Variants in MFN2 observed in about 807,000 individuals in gnomAD.
The protein encoded by MFN2 is mitofusin-2.
In MFN2, 43 loss-of-function variants were observed where a neutral mutation model predicts 87.5. The observed-to-expected ratio is 0.49, with a 90% CI of 0.38 to 0.63. MFN2 has a LOEUF of 0.63. MFN2 is among the 30% of genes least tolerant of loss of function. MFN2 has a pLI of 0.00. For missense variants in MFN2, 743 were observed against 972.8 expected (o/e 0.76, Z 3.14); for synonymous variants, 337 against 359.9 (o/e 0.94, Z 0.72).
chr1:11,996,222 T>C lies in MFN2; in HGVS notation c.378T>C (p.Ile126=). 3 of 1,614,216 alleles carry C rather than the reference T, an allele frequency of 1.9e-6. No individual in the cohort carries two copies. In the South Asian group the frequency reaches 3.3e-5, roughly 18 times the overall value. The change falls in exon 5 of 19, where the codon ATT becomes ATC. Residue 126 remains isoleucine (I), a synonymous_variant. Coordinates refer to ENST00000235329, the MANE Select transcript of MFN2 (RefSeq NM_014874.4). ...MLWDKVLPSG[I]GHTTNCFLRV... is the part of the protein sequence containing the mutation. ...GGGACAAAGTTCTGCCCTCTGGGAT[T>C]GGCCACACCACCAATTGCTTCCTGC... is the stretch of plus-strand genomic sequence containing the variant.
rs387906991 is a variant in MFN2, at chr1:12,002,028, C to T, written c.1085C>T (p.Thr362Met). 4.5e-5 allele frequency: 73 copies of T among 1,614,084 alleles called. No homozygotes were observed. Among genetic ancestry groups the T allele is most frequent in the Admixed American group, 5.0e-5 (3 of 60,010 alleles). Residue 362 changes from threonine to methionine, a missense_variant, in exon 11 of 19, where the codon ACG (threonine) becomes ATG (methionine). This residue lies in a region of MFN2 where 571 missense variants were observed against 670.7 expected (regional missense o/e 0.85). Coordinates refer to ENST00000235329, the MANE Select transcript of MFN2 (RefSeq NM_014874.4). ...GTGAAGACCAAGTTTGAGCAGCACA[C>T]GGTCCGGGCCAAGCAGATTGCAGAG... is the stretch of plus-strand genomic sequence containing the variant. ...SAVKTKFEQH[T>M]VRAKQIAEAV... is the part of the protein sequence containing the mutation.
intron 5 of MFN2, 117 bp from the exon 6 acceptor site, chr1:11,997,180 A>G: frequency 6.7e-7 from 1 of 1,489,652 alleles, no homozygotes; most frequent in Non-Finnish European, 9.2e-7. Flanking sequence ...ATGTGGAAGA[A>G]GAAAGGGTAG....
intron 2 of MFN2, among the ~76,000 whole-genome samples, chr1:11,986,848 A>T (rs1300862987): frequency 1.3e-5 from 2 of 151,526 alleles, no homozygotes; most frequent in Non-Finnish European, 2.9e-5. Context: ...AAGTGCAGGG[A>T]TTATAGGTGT....
At chr1:11,997,451 C>T in intron 6 of MFN2, 30 bp downstream of exon 6, 4 of 1,613,150 alleles carry the variant, frequency 2.5e-6, no homozygotes, top group Non-Finnish European at 3.4e-6. Context: ...CTAGGAGGTC[C>T]AAACTGGAAG....
chr1:12,004,669 C>T lies in MFN2; in HGVS notation c.1392+56C>T. The T allele has an allele frequency of 1.9e-6, 3 of 1,564,170 alleles. No individual in the cohort carries two copies. Among genetic ancestry groups the T allele is most frequent in the East Asian group, 4.5e-5 (2 of 44,656 alleles). The stretch of plus-strand genomic sequence containing the variant: ...AGGAGGCCCCCAAAAGTGATTCAAC[C>T]CCTGTTGGTCTGGGTCAGGGCCCCC... On this transcript the variant is annotated intron_variant, in intron 13 of 18. Coordinates refer to ENST00000235329, the MANE Select transcript of MFN2 (RefSeq NM_014874.4). This position sits in a 1 kb window ranked among gnomAD's most constrained non-coding sequence, Gnocchi z 4.2.
chr1:11,993,777 TTTTTGTTTTG>T (rs1638796533), intron 4 of MFN2, among the ~76,000 whole-genome samples: 1 of 152,216 alleles, frequency 6.6e-6, no homozygotes, highest in Non-Finnish European at 1.5e-5. Context: ...ATACGTGTTT[TTTTTGTTTTG>T]TTTTACTGCT....
At chr1:12,005,114 C>G (rs1045869898) in intron 14 of MFN2, among the ~76,000 whole-genome samples, 187 bp downstream of exon 14, 12 of 152,326 alleles carry the variant, frequency 7.9e-5, no homozygotes, top group East Asian at 5.8e-4. Context: ...CAGAGTCGCA[C>G]TCCGTAACCC....
At chr1:11,997,555 C>A in intron 6 of MFN2, 134 bp downstream of exon 6, 1 of 1,246,098 alleles carries the variant, frequency 8.0e-7, no homozygotes, top group Non-Finnish European at 1.1e-6. Flanking sequence ...ATGGGCTCAA[C>A]CAAATCCTCT....
chr1:11,996,081 G>A, intron 4 of MFN2, 75 bp from the exon 5 acceptor site: 1 of 1,597,916 alleles, frequency 6.3e-7, no homozygotes, highest in South Asian at 1.1e-5. Context: ...TGGCCTTCCA[G>A]GCTGGTATCT....
chr1:12,013,443 G>A lies in MFN2; in HGVS notation c.*1878G>A, dbSNP rs1344962483. 2.2e-6 allele frequency: 1 copy of A among 459,132 alleles called. No homozygotes were observed. The highest frequency in any genetic ancestry group is 4.5e-6 in the Non-Finnish European group (1 of 221,856). 28.4% of individuals were successfully genotyped at this position (459,132 alleles called of 1,614,324 possible). A position where few individuals can be genotyped will look rare whatever the true frequency, so the allele number is the denominator to read the frequency against. ...CTGATGTATTTAAGGTGATGTATTTGCTTGAGTTACTCCTGTATCATTGCT... is the reference window on the plus strand; with the variant it reads ...CTGATGTATTTAAGGTGATGTATTTACTTGAGTTACTCCTGTATCATTGCT... On this transcript the variant is annotated 3_prime_UTR_variant, in exon 19 of 19. Coordinates refer to ENST00000235329, the MANE Select transcript of MFN2 (RefSeq NM_014874.4).
At position 12,004,693 on chromosome 1, in the gene MFN2, C is replaced by T; in HGVS notation, c.1392+80C>T. The T allele has an allele frequency of 6.6e-7, 1 of 1,518,960 alleles. No homozygotes were observed. The highest frequency in any genetic ancestry group is 9.1e-7 in the Non-Finnish European group (1 of 1,094,646). The allele number at this position is 1,518,960 out of a possible 1,614,324, so 94.1% of individuals were successfully genotyped here. On this transcript the variant is annotated intron_variant, in intron 13 of 18. Coordinates refer to ENST00000235329, the MANE Select transcript of MFN2 (RefSeq NM_014874.4). This position sits in a 1 kb window ranked among gnomAD's most constrained non-coding sequence, Gnocchi z 4.2. Reference sequence around the variant, plus strand: ...CCCCTGTTGGTCTGGGTCAGGGCCCCCCAGCAGTGACAGTAGAAGCCACAG... The same window carrying T: ...CCCCTGTTGGTCTGGGTCAGGGCCCTCCAGCAGTGACAGTAGAAGCCACAG...
intron 2 of MFN2, among the ~76,000 whole-genome samples, chr1:11,985,455 CTT>C (rs774330626): frequency 1.5e-4 from 18 of 119,704 alleles, no homozygotes; most frequent in Non-Finnish European, 1.8e-4. Context: ...TCCTTGATCC[CTT>C]TTTTTTTTTT....
intron 11 of MFN2, among the ~76,000 whole-genome samples, chr1:12,002,577 A>G (rs1371434160): frequency 1.3e-5 from 2 of 152,188 alleles, no homozygotes; most frequent in East Asian, 3.8e-4. Flanking sequence ...AGTTCCAGCT[A>G]CTTGGGAGGC....
intron 5 of MFN2, 110 bp downstream of exon 5, chr1:11,996,428 G>C: frequency 1.6e-6 from 2 of 1,268,190 alleles, no homozygotes; most frequent in Non-Finnish European, 2.2e-6. Flanking sequence ...CCCTGTGGAG[G>C]TGAATGGGAG....
chr1:11,989,327 C>G lies in MFN2; in HGVS notation c.159C>G (p.Ser53Arg), dbSNP rs61733200. 5 of 1,613,832 alleles carry G rather than the reference C, an allele frequency of 3.1e-6. No homozygotes were observed. Among genetic ancestry groups the G allele is most frequent in the Non-Finnish European group, 4.2e-6 (5 of 1,180,014 alleles). ...AGCTGGGGGCCTACATCCAGGAGAG[C>G]GCCACCTTCCTTGAAGGTAAGGGGG... ...FEQLGAYIQE[S>R]ATFLEDTYRN... The change falls in exon 3 of 19, where the codon AGC becomes AGG. Residue 53 changes from serine (S) to arginine (R), a missense_variant. Transcript: ENST00000235329.
Position 11,989,239 on chromosome 1 carries a change from T to G in MFN2, c.71T>G (p.Val24Gly). ...VKKNKRHMAE[V>G]NASPLKHFVT... ...AAAAATAAGAGACACATGGCTGAGGTGAATGCATCCCCACTTAAGCACTTT... is the reference window on the plus strand; with the variant it reads ...AAAAATAAGAGACACATGGCTGAGGGGAATGCATCCCCACTTAAGCACTTT... The change falls in exon 3 of 19, where the codon GTG becomes GGG. Residue 24 changes from valine (V) to glycine (G), a missense_variant. Physicochemically the swap from Val to Gly is moderately radical, Grantham distance 109 (BLOSUM62 -3). Transcript: ENST00000235329. 2 of 1,613,978 alleles carry G rather than the reference T, an allele frequency of 1.2e-6. No homozygotes were observed. The highest frequency in any genetic ancestry group is 1.7e-6 in the Non-Finnish European group (2 of 1,180,010).
intron 3 of MFN2, among the ~76,000 whole-genome samples, chr1:11,991,850 G>C (rs992435991): frequency 2.1e-5 from 3 of 145,256 alleles, no homozygotes; most frequent in Non-Finnish European, 4.5e-5. Context: ...CGTGAACCCG[G>C]GAGGCGGAGC....
At chr1:11,999,987 C>A (rs1427685203) in intron 8 of MFN2, among the ~76,000 whole-genome samples, 1 of 151,542 alleles carries the variant, frequency 6.6e-6, no homozygotes, top group Non-Finnish European at 1.5e-5. Context: ...GTCCCAGCTA[C>A]GCGGGAGGCT....
intron 3 of MFN2, 93 bp downstream of exon 3, chr1:11,989,436 A>AG (rs1638579852): frequency 3.5e-6 from 5 of 1,423,926 alleles, no homozygotes; most frequent in Middle Eastern, 2.4e-4. Context: ...CTCTGCTCCC[A>AG]GGGAAGTCAT....
Sources: gnomAD v4.1 joint callset for allele counts (sites outside exome capture counted in the v4.1 genomes callset) on GRCh38, gnomAD v4.1.1 for gene constraint, gnomAD v4.1.1 regional missense constraint, Gnocchi (gnomAD v3.1) non-coding constraint, MANE v1.5 for transcripts, NCBI Gene and HGNC (gene_info 2026-07-23, HGNC 2026-07-21) for gene names.